RIMS1: variants seen among roughly 807,000 people sequenced by gnomAD.
RIMS1 encodes the protein regulating synaptic membrane exocytosis protein 1.
In RIMS1, 83 loss-of-function variants were observed where a neutral mutation model predicts 214.1. The ratio of observed to expected loss-of-function variants is 0.39; its 90% confidence interval spans 0.32 to 0.47. RIMS1 has a LOEUF of 0.47. RIMS1 is among the 20% of genes least tolerant of loss of function. RIMS1 has a pLI of 0.99. For missense variants in RIMS1, 2,050 were observed against 2,161.8 expected, an observed-to-expected ratio of 0.95 and a Z score of 1.03; for synonymous variants, 793 against 786.8, an observed-to-expected ratio of 1.01 and a Z score of -0.13.
chr6:72,353,027 G>T (rs966016007), intron 29 of RIMS1, among the ~76,000 whole-genome samples: 6 of 94,862 alleles, frequency 6.3e-5, no homozygotes, highest in African/African-American at 2.5e-4. Flanking sequence ...TGTCAATCTT[G>T]TTGCCCAGGC....
intron 2 of RIMS1, among the ~76,000 whole-genome samples, chr6:71,994,703 A>C (rs990809464): frequency 3.9e-5 from 6 of 152,206 alleles, no homozygotes; most frequent in Admixed American, 3.3e-4. Flanking sequence ...CTTTTGAATA[A>C]AGGAAAATAA....
intron 28 of RIMS1, among the ~76,000 whole-genome samples, chr6:72,322,939 A>G (rs568703961): frequency 6.6e-6 from 1 of 152,182 alleles, no homozygotes; most frequent in South Asian, 2.1e-4. Context: ...GTTTCCAGGA[A>G]AGCAAACAAA....
At chr6:72,284,196 T>G in intron 24 of RIMS1, 78 bp downstream of exon 24, 1 of 1,218,272 alleles carries the variant, frequency 8.2e-7, no homozygotes, top group South Asian at 1.3e-5. Flanking sequence ...TCATTTTACA[T>G]GATCAGTTCT....
In RIMS1 at chr6:72,313,429, T is replaced by C. The variant is rs574499645; in HGVS notation, c.3964-77T>C. ...ACACCTTTATTTGGTGTGGGCTAAG[T>C]AGTCATTCATCTCACCATCTATGTT... On this transcript the variant is annotated intron_variant, in intron 27 of 33. Transcript: ENST00000521978. 2.2e-4 allele frequency: 282 copies of C among 1,309,054 alleles called. 1 individual carries two copies. In the African/African-American group the frequency reaches 3.6e-3, roughly 17 times the overall value. The allele number at this position is 1,309,054 out of a possible 1,614,324, so 81.1% of individuals were successfully genotyped here. A position where few individuals can be genotyped will look rare whatever the true frequency, so the allele number is the denominator to read the frequency against.
At chr6:72,334,449 A>G (rs1654440407) in intron 29 of RIMS1, among the ~76,000 whole-genome samples, 1 of 151,904 alleles carries the variant, frequency 6.6e-6, no homozygotes, top group African/African-American at 2.4e-5. Context: ...TCCTAAAGGT[A>G]TATATTTAAA....
At chr6:71,971,054 T>TAATA (rs1423235854) in intron 2 of RIMS1, among the ~76,000 whole-genome samples, 1 of 152,156 alleles carries the variant, frequency 6.6e-6, no homozygotes, top group Non-Finnish European at 1.5e-5. Flanking sequence ...ATAGAAAATA[T>TAATA]GAGTGCCCCC....
intron 6 of RIMS1, among the ~76,000 whole-genome samples, chr6:72,195,530 T>C (rs946509090): frequency 3.3e-5 from 5 of 151,976 alleles, no homozygotes; most frequent in Non-Finnish European, 7.4e-5. Flanking sequence ...CAAGTGTAGA[T>C]TGTGGCAATA....
intron 4 of RIMS1, among the ~76,000 whole-genome samples, chr6:72,132,223 G>A (rs1486121044): frequency 6.6e-6 from 1 of 152,162 alleles, no homozygotes; most frequent in Non-Finnish European, 1.5e-5. Context: ...TTGGGGAAGT[G>A]ATAAGTGTCC....
intron 1 of RIMS1, among the ~76,000 whole-genome samples, chr6:71,895,825 A>G (rs186068193): frequency 1.6e-4 from 25 of 152,284 alleles, no homozygotes; most frequent in African/African-American, 5.8e-4. Context: ...GTAAAAATCA[A>G]TGTATTGGGT....
chr6:72,290,991 C>T, intron 25 of RIMS1, 130 bp downstream of exon 25: 1 of 756,316 alleles, frequency 1.3e-6, no homozygotes, highest in Non-Finnish European at 2.1e-6. Context: ...CTTTGTGACA[C>T]TTAAATCTCT....
At chr6:72,180,439 C>T (rs2048256817) in intron 5 of RIMS1, among the ~76,000 whole-genome samples, 1 of 152,116 alleles carries the variant, frequency 6.6e-6, no homozygotes, top group Non-Finnish European at 1.5e-5. Flanking sequence ...GTGAGGGCCT[C>T]CTAAAGGATA....
intron 29 of RIMS1, among the ~76,000 whole-genome samples, chr6:72,370,829 GGAAAGGAACTATAT>G (rs539633037): frequency 1.2e-3 from 180 of 152,206 alleles, no homozygotes; most frequent in African/African-American, 3.9e-3. Flanking sequence ...AGAAAAGGGA[GGAAAGGAACTATAT>G]GATAGGAATG....
At chr6:72,319,371 G>T (rs900862561) in intron 28 of RIMS1, among the ~76,000 whole-genome samples, 9 of 152,140 alleles carry the variant, frequency 5.9e-5, no homozygotes, top group African/African-American at 2.2e-4. Context: ...GGGAGGTAAA[G>T]GTTGATACAG....
At chr6:72,027,026 A>G (rs1253177151) in intron 2 of RIMS1, among the ~76,000 whole-genome samples, 1 of 152,250 alleles carries the variant, frequency 6.6e-6, no homozygotes, top group Non-Finnish European at 1.5e-5. Flanking sequence ...AGAACAATAC[A>G]TTAATGAATT....
intron 2 of RIMS1, among the ~76,000 whole-genome samples, chr6:72,038,114 A>ATGTATAT (rs1562176118): frequency 2.4e-5 from 1 of 42,402 alleles, no homozygotes; most frequent in African/African-American, 1.6e-4. Context: ...AAAAAAAAAA[A>ATGTATAT]AAAAATATAT....
intron 23 of RIMS1, among the ~76,000 whole-genome samples, chr6:72,283,346 G>A (rs2091055383): frequency 6.6e-6 from 1 of 151,714 alleles, no homozygotes; most frequent in African/African-American, 2.4e-5. Flanking sequence ...TATTTCTGTG[G>A]GAAAAATGCA....
At chr6:72,355,964 C>T (rs2154376806) in intron 29 of RIMS1, among the ~76,000 whole-genome samples, 1 of 152,260 alleles carries the variant, frequency 6.6e-6, no homozygotes, top group African/African-American at 2.4e-5. Context: ...ACTTATTTGG[C>T]TTAGACATCT....
intron 29 of RIMS1, among the ~76,000 whole-genome samples, chr6:72,358,700 A>G (rs926236586): frequency 3.9e-5 from 6 of 152,338 alleles, no homozygotes; most frequent in South Asian, 2.1e-4. Flanking sequence ...GAATTAATCA[A>G]TAGAGCCTTG....
intron 1 of RIMS1, among the ~76,000 whole-genome samples, chr6:71,913,546 A>G (rs1777519105): frequency 6.6e-6 from 1 of 152,134 alleles, no homozygotes; most frequent in Non-Finnish European, 1.5e-5. Flanking sequence ...ACACCCTTAA[A>G]TAGAAAACAG....
Sources: allele counts gnomAD v4.1 joint callset (sites outside exome capture counted in the v4.1 genomes callset), GRCh38; gene constraint gnomAD v4.1.1; transcripts MANE v1.5; gene names NCBI Gene and HGNC (gene_info 2026-07-23, HGNC 2026-07-21).